CSMD1: variants seen among roughly 807,000 people sequenced by gnomAD.
CSMD1 encodes the protein CUB and Sushi multiple domains 1, also known as CUB and sushi domain-containing protein 1.
A neutral mutation model predicts 417.5 loss-of-function variants in CSMD1; 213 were observed. That is an observed-to-expected ratio of 0.51 (90% CI 0.46 to 0.57). The LOEUF (loss-of-function observed/expected upper bound fraction) is 0.57. Ranked by LOEUF, CSMD1 falls within the 20% of genes least tolerant of loss-of-function variation. The pLI, the probability that CSMD1 is intolerant of heterozygous loss-of-function variation, is 0.00. For missense variants in CSMD1, 6,923 were observed against 4,529.7 expected (o/e 1.53, Z -15.17); for synonymous variants, 2,862 against 1,736.8 (o/e 1.65, Z -16.11).
At chr8:3,632,846 G>C (rs1796851316) in intron 7 of CSMD1, among the ~76,000 whole-genome samples, 1 of 152,178 alleles carries the variant, frequency 6.6e-6, no homozygotes, top group Non-Finnish European at 1.5e-5. Flanking sequence ...CAGAGATTAT[G>C]TTCCTGGTTA....
chr8:3,144,637 A>G lies in CSMD1; in HGVS notation c.6032-1963T>C, dbSNP rs558096715. 9.2e-5 allele frequency among the ~76,000 whole-genome samples: 14 copies of G among 152,248 alleles called. No homozygotes were observed. The South Asian group carries it at 2.7e-3, about 29-fold the overall frequency. On this transcript the variant is annotated intron_variant, in intron 40 of 69. Transcript: ENST00000635120. Reference sequence around the variant, plus strand: ...CAAGGTGGAGCAACTCTTTAAATTTACAACATTTCTGCAAATATTCAAAAA... The same window carrying G: ...CAAGGTGGAGCAACTCTTTAAATTTGCAACATTTCTGCAAATATTCAAAAA...
intron 3 of CSMD1, among the ~76,000 whole-genome samples, chr8:4,038,713 C>G (rs1423893133): frequency 6.6e-6 from 1 of 152,150 alleles, no homozygotes; most frequent in Non-Finnish European, 1.5e-5. Context: ...GAAAGCAATA[C>G]TTATTTAGGT....
At chr8:4,928,515 C>T (rs941104098) in intron 1 of CSMD1, among the ~76,000 whole-genome samples, 2 of 152,148 alleles carry the variant, frequency 1.3e-5, no homozygotes, top group Non-Finnish European at 2.9e-5. Context: ...TACTGGCCCT[C>T]CTGAACTTCA....
intron 26 of CSMD1, among the ~76,000 whole-genome samples, chr8:3,237,529 A>G (rs1361374524): frequency 1.4e-5 from 2 of 147,076 alleles, no homozygotes; most frequent in African/African-American, 4.9e-5. Flanking sequence ...TAAATATTAT[A>G]TATTTATATA....
chr8:4,936,175 T>G (rs537116109), intron 1 of CSMD1, among the ~76,000 whole-genome samples: 4 of 152,328 alleles, frequency 2.6e-5, no homozygotes, highest in Admixed American at 2.6e-4. Context: ...GAAAATCACA[T>G]TAAGTTGAGA....
At chr8:3,090,050 A>C (rs956063019) in intron 48 of CSMD1, among the ~76,000 whole-genome samples, 7 of 151,706 alleles carry the variant, frequency 4.6e-5, no homozygotes, top group South Asian at 2.1e-4. Flanking sequence ...GCGGTGGCTT[A>C]ACGCCTGTAA....
chr8:3,642,359 T>C (rs1797349117), intron 7 of CSMD1, among the ~76,000 whole-genome samples: 1 of 152,018 alleles, frequency 6.6e-6, no homozygotes, highest in Non-Finnish European at 1.5e-5. Context: ...AAAGAAGAAA[T>C]CACCGCAAAG....
intron 25 of CSMD1, among the ~76,000 whole-genome samples, chr8:3,298,919 T>G (rs1018537034): frequency 6.6e-6 from 1 of 152,188 alleles, no homozygotes. Context: ...GTTTCTTTTG[T>G]GAACAAGCCA....
rs1054057765 is a variant in CSMD1, at chr8:4,162,808, G to C, written c.416-130709C>G. 1.8e-4 allele frequency among the ~76,000 whole-genome samples: 28 copies of C among 152,242 alleles called. 1 individual carries two copies. Among genetic ancestry groups the C allele is most frequent in the South Asian group, 1.0e-3 (5 of 4,824 alleles). Reference sequence around the variant, plus strand: ...TCACTCTTGGTATTGTACATGCTATGGGTGTGGATAAATATATAATGCTAT... The same window carrying C: ...TCACTCTTGGTATTGTACATGCTATCGGTGTGGATAAATATATAATGCTAT... On this transcript the variant is annotated intron_variant, in intron 3 of 69. Coordinates refer to ENST00000635120, the MANE Select transcript of CSMD1 (RefSeq NM_033225.6).
chr8:3,597,118 C>T (rs553066065), intron 8 of CSMD1, among the ~76,000 whole-genome samples: 4 of 152,168 alleles, frequency 2.6e-5, no homozygotes, highest in African/African-American at 4.8e-5. Context: ...GAGGCTCTGG[C>T]TTCTTCAGCA....
At chr8:3,682,361 C>T (rs534871983) in intron 7 of CSMD1, among the ~76,000 whole-genome samples, 125 of 152,138 alleles carry the variant, frequency 8.2e-4, no homozygotes, top group African/African-American at 2.8e-3. Flanking sequence ...AACAAGCAAC[C>T]GCATCAACAA....
intron 7 of CSMD1, among the ~76,000 whole-genome samples, chr8:3,649,529 C>T (rs573277029): frequency 2.0e-5 from 3 of 152,126 alleles, no homozygotes; most frequent in Admixed American, 2.0e-4. Context: ...GGAAGCAAGG[C>T]ACCTTCTTCA....
intron 1 of CSMD1, among the ~76,000 whole-genome samples, chr8:4,709,923 G>C (rs1456311234): frequency 6.6e-6 from 1 of 152,142 alleles, no homozygotes; most frequent in African/African-American, 2.4e-5. Context: ...TGAAAAACTA[G>C]AAACCATAAG....
chr8:2,989,001 C>G (rs534648838), intron 54 of CSMD1, among the ~76,000 whole-genome samples: 1 of 152,294 alleles, frequency 6.6e-6, no homozygotes, highest in Non-Finnish European at 1.5e-5. Context: ...CAGGGTCACA[C>G]TCAATGAGTC....
intron 1 of CSMD1, among the ~76,000 whole-genome samples, chr8:4,773,619 G>C (rs548934821): frequency 6.6e-6 from 1 of 152,244 alleles, no homozygotes; most frequent in Non-Finnish European, 1.5e-5. Context: ...AGGAGTGTTT[G>C]TCATCTCCTT....
intron 8 of CSMD1, among the ~76,000 whole-genome samples, chr8:3,606,896 G>A (rs550032533): frequency 6.6e-6 from 1 of 151,960 alleles, no homozygotes; most frequent in Non-Finnish European, 1.5e-5. Context: ...TATTTTTGTA[G>A]AGACAGGGTT....
At chr8:4,346,359 T>C (rs570618529) in intron 3 of CSMD1, among the ~76,000 whole-genome samples, 12 of 152,288 alleles carry the variant, frequency 7.9e-5, no homozygotes, top group South Asian at 6.2e-4. Flanking sequence ...TCTATTTCCA[T>C]ACGATCTGCG....
chr8:4,109,622 G>T (rs144791345), intron 3 of CSMD1, among the ~76,000 whole-genome samples: 1 of 152,142 alleles, frequency 6.6e-6, no homozygotes, highest in African/African-American at 2.4e-5. Context: ...GGAATCAAAA[G>T]CTCTAGACAA....
At chr8:4,583,034 G>A (rs959799111) in intron 2 of CSMD1, among the ~76,000 whole-genome samples, 2 of 152,220 alleles carry the variant, frequency 1.3e-5, no homozygotes, top group Non-Finnish European at 2.9e-5. Context: ...CGCTGTGCTC[G>A]ACTTCTCACC....
Sources: gnomAD v4.1 joint callset for allele counts (sites outside exome capture counted in the v4.1 genomes callset) on GRCh38, gnomAD v4.1.1 for gene constraint, MANE v1.5 for transcripts, NCBI Gene and HGNC (gene_info 2026-07-23, HGNC 2026-07-21) for gene names.